The following TNR variants were observed in gnomAD, a reference collection of about 807,000 sequenced individuals.
TNR encodes the protein tenascin-R.
Under a neutral mutation model 150.4 loss-of-function variants are expected in TNR, and 45 were observed. The observed-to-expected ratio is 0.30, with a 90% confidence interval of 0.24 to 0.38. TNR has a LOEUF of 0.38. Ranked by LOEUF, TNR falls within the 10% of genes least tolerant of loss-of-function variation. TNR has a pLI of 1.00. For synonymous variants in TNR, 687 were observed against 678.4 expected (o/e 1.01, Z -0.20); for missense variants, 1,544 against 1,759.1 (o/e 0.88, Z 2.19).
chr1:175,672,357 G>C (rs1665728932), intron 1 of TNR, among the ~76,000 whole-genome samples: 1 of 152,136 alleles, frequency 6.6e-6, no homozygotes, highest in African/African-American at 2.4e-5. Context: ...TTGCCACCCT[G>C]ACTTTGGCCC....
intron 1 of TNR, among the ~76,000 whole-genome samples, chr1:175,706,783 T>C (rs1666852797): frequency 6.6e-6 from 1 of 152,030 alleles, no homozygotes; most frequent in African/African-American, 2.4e-5. Flanking sequence ...GCCCTTCAAA[T>C]AAGCCAAGAG....
intron 2 of TNR, among the ~76,000 whole-genome samples, chr1:175,491,703 G>C (rs1221585644): frequency 2.2e-5 from 3 of 135,740 alleles, no homozygotes; most frequent in Non-Finnish European, 1.5e-5. Context: ...AGGCTGGAGT[G>C]CAGTGGCGTG....
At chr1:175,569,813 T>G (rs1571620349) in intron 1 of TNR, among the ~76,000 whole-genome samples, 1 of 152,308 alleles carries the variant, frequency 6.6e-6, no homozygotes, top group Middle Eastern at 3.4e-3. Context: ...GGCAGGCAGA[T>G]TTACAGGAGA....
chr1:175,425,758 C>T (rs556543961), intron 2 of TNR, among the ~76,000 whole-genome samples: 1 of 151,986 alleles, frequency 6.6e-6, no homozygotes, highest in Non-Finnish European at 1.5e-5. Flanking sequence ...TTTTTTTCAA[C>T]ATTTCTATAG....
At chr1:175,507,184 G>C (rs117588639) in intron 2 of TNR, among the ~76,000 whole-genome samples, 2 of 152,186 alleles carry the variant, frequency 1.3e-5, no homozygotes, top group Non-Finnish European at 2.9e-5. Flanking sequence ...TGCCCCGCTG[G>C]GGGTGGAGAG....
At chr1:175,573,787 A>G (rs545275460) in intron 1 of TNR, among the ~76,000 whole-genome samples, 2 of 152,312 alleles carry the variant, frequency 1.3e-5, no homozygotes, top group South Asian at 4.2e-4. Flanking sequence ...CGTAGGGTAC[A>G]GATGGTGAGC....
chr1:175,517,911 G>A (rs1424603119), intron 2 of TNR, among the ~76,000 whole-genome samples: 1 of 152,170 alleles, frequency 6.6e-6, no homozygotes. Flanking sequence ...CAGCAGCACT[G>A]GAGATCCTAG....
intron 1 of TNR, among the ~76,000 whole-genome samples, chr1:175,612,271 C>A (rs1558036970): frequency 6.6e-6 from 1 of 152,180 alleles, no homozygotes; most frequent in Non-Finnish European, 1.5e-5. Flanking sequence ...TCCTACACTG[C>A]CTGGGGCTAA....
At position 175,355,534 on chromosome 1, in the gene TNR, A is replaced by G. The variant is rs1378782831; in HGVS notation, c.3218T>C (p.Leu1073Ser). 1 of 1,613,924 alleles carries G rather than the reference A, an allele frequency of 6.2e-7. No individual in the cohort carries two copies. Among genetic ancestry groups the G allele is most frequent in the Non-Finnish European group, 8.5e-7 (1 of 1,179,926 alleles). The stretch of plus-strand genomic sequence containing the variant: ...GCTTCCATCGGTGGATTTGTAGGTC[A>G]AGACATAATTTTCAATCTCTGCCCT... ...PPRAEIENYVLTYKSTDGSRK... is the reference protein window; with the variant it reads ...PPRAEIENYVSTYKSTDGSRK... Residue 1073 changes from leucine (L) to serine (S), a missense_variant, in exon 17 of 23, where the codon TTG becomes TCG. Around this residue, in one of 2 missense-constraint regions of TNR, gnomAD observed 290 missense variants for 429.7 expected, o/e 0.67. Coordinates refer to ENST00000367674, the MANE Select transcript of TNR (RefSeq NM_003285.3).
Position 175,406,115 on chromosome 1 carries a change from G to T in TNR, c.499+101C>A. 3 of 1,478,780 alleles carry T rather than the reference G, an allele frequency of 2.0e-6. No homozygotes were observed. The South Asian group carries it at 4.1e-5, about 20-fold the overall frequency. The allele number at this position is 1,478,780 out of a possible 1,614,324, so 91.6% of individuals were successfully genotyped here. ...GATGCCGGGGTTTTGCTGGGAGTGC[G>T]TTTTCGCTGGAAGTGCATTGGTCCT... On this transcript the variant is annotated intron_variant, in intron 3 of 22. Coordinates refer to ENST00000367674, the MANE Select transcript of TNR (RefSeq NM_003285.3).
intron 1 of TNR, among the ~76,000 whole-genome samples, chr1:175,579,560 G>C (rs1662265857): frequency 6.6e-6 from 1 of 151,726 alleles, no homozygotes; most frequent in Admixed American, 6.6e-5. Flanking sequence ...TGGGCATAAA[G>C]TATGGAAAAG....
chr1:175,678,355 C>G (rs919944123), intron 1 of TNR, among the ~76,000 whole-genome samples: 1 of 152,338 alleles, frequency 6.6e-6, no homozygotes, highest in Admixed American at 6.5e-5. Flanking sequence ...ACTGAATTCA[C>G]ATCTCCAGAG....
At chr1:175,364,710 T>C (rs1041395427) in intron 12 of TNR, among the ~76,000 whole-genome samples, 1 of 152,216 alleles carries the variant, frequency 6.6e-6, no homozygotes, top group African/African-American at 2.4e-5. Context: ...TCTTGGAGAC[T>C]AGCTTTCTCC....
chr1:175,425,660 G>T (rs1252529299), intron 2 of TNR, among the ~76,000 whole-genome samples: 1 of 152,218 alleles, frequency 6.6e-6, no homozygotes, highest in Non-Finnish European at 1.5e-5. Flanking sequence ...TAAAATGGCA[G>T]CTGGGAGCAA....
chr1:175,592,456 G>A (rs1380310422), intron 1 of TNR, among the ~76,000 whole-genome samples: 4 of 152,376 alleles, frequency 2.6e-5, no homozygotes, highest in Non-Finnish European at 4.4e-5. Context: ...GGTGATCCAC[G>A]TAGGTGACCC....
At chr1:175,659,285 C>T (rs1665288178) in intron 1 of TNR, among the ~76,000 whole-genome samples, 1 of 152,196 alleles carries the variant, frequency 6.6e-6, no homozygotes, top group African/African-American at 2.4e-5. Context: ...ACTAGTGGAT[C>T]AGAACCCAAC....
At chr1:175,395,073 G>T (rs921651448) in intron 5 of TNR, among the ~76,000 whole-genome samples, 1 of 151,970 alleles carries the variant, frequency 6.6e-6, no homozygotes, top group Non-Finnish European at 1.5e-5. Flanking sequence ...TTAAAAAAAG[G>T]TCAAATATAA....
At chr1:175,583,358 G>A (rs755088996) in intron 1 of TNR, among the ~76,000 whole-genome samples, 1 of 152,192 alleles carries the variant, frequency 6.6e-6, no homozygotes, top group Non-Finnish European at 1.5e-5. Context: ...CAGCTGGCTA[G>A]AGGAGCCTGT....
At chr1:175,353,881 T>C (rs1001783046) in intron 18 of TNR, among the ~76,000 whole-genome samples, 3 of 151,882 alleles carry the variant, frequency 2.0e-5, no homozygotes, top group African/African-American at 7.3e-5. Context: ...AGTCTCACTT[T>C]TTCACCCAGG....
Sources: allele counts gnomAD v4.1 joint callset (sites outside exome capture counted in the v4.1 genomes callset), GRCh38; gene constraint gnomAD v4.1.1; regional missense constraint gnomAD v4.1.1; transcripts MANE v1.5; gene names NCBI Gene and HGNC (gene_info 2026-07-23, HGNC 2026-07-21).